The following METTL15 variants were observed in gnomAD, a reference collection of about 807,000 sequenced individuals.
METTL15 encodes 12S rRNA N(4)-cytidine methyltransferase METTL15.
METTL15 carries 34 observed loss-of-function variants against 38.3 expected under a neutral mutation model. The ratio of observed to expected loss-of-function variants is 0.89; its 90% CI spans 0.68 to 1.18. The LOEUF (loss-of-function observed/expected upper bound fraction) is 1.18. Among genes scored for constraint, METTL15 ranks in the 50% most tolerant of loss-of-function variants. The pLI is 0.00. For synonymous variants in METTL15, 162 were observed against 170.9 expected, an observed-to-expected ratio of 0.95 and a Z score of 0.41; for missense variants, 438 against 498.4, an observed-to-expected ratio of 0.88 and a Z score of 1.15.
chr11:28,285,991 A>T (rs1274844184), intron 4 of METTL15, among the ~76,000 whole-genome samples: 1 of 152,180 alleles, frequency 6.6e-6, no homozygotes, highest in Non-Finnish European at 1.5e-5. Flanking sequence ...TTGAGCAGAG[A>T]TATTATATCT....
intron 4 of METTL15, among the ~76,000 whole-genome samples, chr11:28,356,005 C>G (rs1350373333): frequency 6.6e-6 from 1 of 152,142 alleles, no homozygotes; most frequent in Admixed American, 6.5e-5. Flanking sequence ...AGGGCTGTTG[C>G]ACGTGTTGTC....
At chr11:28,222,765 A>T (rs1488535712) in intron 4 of METTL15, among the ~76,000 whole-genome samples, 1 of 152,232 alleles carries the variant, frequency 6.6e-6, no homozygotes, top group East Asian at 1.9e-4. Flanking sequence ...GTAATTTTAA[A>T]AAACCTATGG....
rs546341075 is a variant in METTL15, at chr11:28,130,047, C to T, written c.270+16443C>T. On this transcript the variant is annotated intron_variant, in intron 3 of 6. Transcript: ENST00000407364. ...ATACCAGGCTTGGCATGGTGGCTCA[C>T]GCATATAATCCCAGCCCTTTGAGAG... 5.3e-5 allele frequency among the ~76,000 whole-genome samples: 8 copies of T among 152,150 alleles called. No individual in the cohort carries two copies. In the East Asian group the frequency reaches 7.7e-4, roughly 15 times the overall value.
intron 5 of METTL15, among the ~76,000 whole-genome samples, chr11:28,382,449 T>C (rs1396623730): frequency 6.6e-6 from 1 of 152,200 alleles, no homozygotes; most frequent in Admixed American, 6.5e-5. Flanking sequence ...GTCTTCCATG[T>C]TCTCACTTTT....
chr11:28,408,176 G>A (rs373642341), intron 5 of METTL15, among the ~76,000 whole-genome samples: 149 of 152,172 alleles, frequency 9.8e-4, no homozygotes, highest in African/African-American at 1.9e-3. Context: ...TGGGGTGGGG[G>A]AAACATCATG....
chr11:28,112,280 G>T (rs984494579), intron 2 of METTL15, among the ~76,000 whole-genome samples: 2 of 152,112 alleles, frequency 1.3e-5, no homozygotes, highest in Non-Finnish European at 2.9e-5. Context: ...GTGGAGTCTG[G>T]AATTAATCCA....
intron 6 of METTL15, among the ~76,000 whole-genome samples, chr11:28,464,824 G>A (rs895753163): frequency 3.9e-5 from 6 of 152,114 alleles, no homozygotes; most frequent in African/African-American, 1.4e-4. Flanking sequence ...AATCTACTTG[G>A]CTCAGATGTC....
intron 6 of METTL15, among the ~76,000 whole-genome samples, chr11:28,320,859 TAA>T (rs1849442228): frequency 6.6e-6 from 1 of 152,176 alleles, no homozygotes; most frequent in Admixed American, 6.5e-5. Flanking sequence ...TTTTCATACT[TAA>T]GTCATTGTAA....
At chr11:28,422,261 C>A (rs1850826973) in intron 5 of METTL15, among the ~76,000 whole-genome samples, 2 of 151,962 alleles carry the variant, frequency 1.3e-5, no homozygotes, top group South Asian at 4.2e-4. Flanking sequence ...GTCCATACTA[C>A]CCAAAGCAAT....
intron 4 of METTL15, among the ~76,000 whole-genome samples, chr11:28,236,994 T>G (rs1439076625): frequency 6.6e-6 from 1 of 152,188 alleles, no homozygotes; most frequent in Non-Finnish European, 1.5e-5. Flanking sequence ...TGGGTTTCCC[T>G]TTGTGGGTAA....
intron 4 of METTL15, among the ~76,000 whole-genome samples, chr11:28,251,097 A>C (rs1158287888): frequency 6.6e-6 from 1 of 151,976 alleles, no homozygotes; most frequent in Non-Finnish European, 1.5e-5. Context: ...CTAACCTCCC[A>C]TTTGTTTCTC....
chr11:28,182,202 G>A (rs921823275), intron 3 of METTL15, among the ~76,000 whole-genome samples: 43 of 152,172 alleles, frequency 2.8e-4, no homozygotes, highest in African/African-American at 9.9e-4. Flanking sequence ...CTCCCATTCT[G>A]TAGGCTGCCT....
chr11:28,216,296 A>C (rs984817352), intron 4 of METTL15, among the ~76,000 whole-genome samples: 5 of 152,268 alleles, frequency 3.3e-5, no homozygotes, highest in Admixed American at 3.3e-4. Flanking sequence ...AAGTGGATTA[A>C]TGGAGGAAAT....
intron 5 of METTL15, among the ~76,000 whole-genome samples, chr11:28,374,476 T>C (rs1213241784): frequency 1.4e-5 from 2 of 145,668 alleles, no homozygotes; most frequent in African/African-American, 4.9e-5. Flanking sequence ...TGTCTGTTGT[T>C]GGTGTATAGG....
At chr11:28,146,529 T>G (rs892070597) in intron 3 of METTL15, among the ~76,000 whole-genome samples, 1 of 152,060 alleles carries the variant, frequency 6.6e-6, no homozygotes, top group Non-Finnish European at 1.5e-5. Context: ...ATCTGTTGAA[T>G]AGACCTGTAG....
At position 28,113,458 on chromosome 11, in the gene METTL15, G is replaced by C. The variant is rs751282364; in HGVS notation, c.124G>C (p.Glu42Gln). 8.1e-6 allele frequency: 13 copies of C among 1,611,856 alleles called. No homozygotes were observed. Among genetic ancestry groups the C allele is most frequent in the South Asian group, 1.1e-5 (1 of 90,972 alleles). The change falls in exon 3 of 7, where the codon GAA becomes CAA. Residue 42 changes from glutamate (E) to glutamine (Q), a missense_variant. By Grantham distance (29) the Glu-to-Gln change is conservative. Transcript: ENST00000407364. ...ACATACTACAGCAGAAAAATATAGA[G>C]AATATGAAGCCCGGGAGCAAACAGA... is the stretch of plus-strand genomic sequence containing the variant. ...RIHTTAEKYREYEAREQTDQT... is the reference protein window; with the variant it reads ...RIHTTAEKYRQYEAREQTDQT...
At chr11:28,446,776 A>G (rs909887066) in intron 6 of METTL15, among the ~76,000 whole-genome samples, 1 of 152,120 alleles carries the variant, frequency 6.6e-6, no homozygotes, top group African/African-American at 2.4e-5. Flanking sequence ...AAATTCAAAA[A>G]TTATAGATGA....
chr11:28,249,805 G>A (rs1021189099), intron 4 of METTL15, among the ~76,000 whole-genome samples: 6 of 151,826 alleles, frequency 4.0e-5, no homozygotes, highest in Non-Finnish European at 5.9e-5. Flanking sequence ...GAGGTTTGGC[G>A]TATAGATTAT....
At position 28,464,020 on chromosome 11, in the gene METTL15, G is replaced by GTAACAAT. The variant is rs770116362; in HGVS notation, c.*424+39656_*424+39657insTAACAAT. Among the ~76,000 whole-genome samples the GTAACAAT allele has an allele frequency of 4.6e-5, 7 of 152,170 alleles. No individual in the cohort carries two copies. The South Asian group carries it at 1.2e-3, about 27-fold the overall frequency. On this transcript the variant is annotated intron_variant and NMD_transcript_variant, in intron 6 of 7. Transcript: ENST00000532947. ...GCAGTCATTCCTGCGCTATGACCTA[G>GTAACAAT]GGTGATGATTTAATTTTACAACAAT...
Sources: gnomAD v4.1 joint callset for allele counts (sites outside exome capture counted in the v4.1 genomes callset) on GRCh38, gnomAD v4.1.1 for gene constraint, MANE v1.5 for transcripts, NCBI Gene and HGNC (gene_info 2026-07-23, HGNC 2026-07-21) for gene names.